The following IMPG1 variants were observed in gnomAD, a reference collection of about 807,000 sequenced individuals.
The protein encoded by IMPG1 is interphotoreceptor matrix proteoglycan 1.
A neutral mutation model predicts 92.0 loss-of-function variants in IMPG1; 85 were observed. The ratio of observed to expected loss-of-function variants is 0.92; its 90% CI spans 0.78 to 1.11. The LOEUF is 1.11. Among genes scored for constraint, IMPG1 ranks in the 50% least tolerant of loss-of-function variants. The pLI is 0.00. For missense variants in IMPG1, 1,022 were observed against 956.0 expected, an observed-to-expected ratio of 1.07 and a Z score of -0.91; for synonymous variants, 367 against 334.1, an observed-to-expected ratio of 1.10 and a Z score of -1.08.
rs557341296 is a variant in IMPG1, at chr6:76,006,529, C to CGT, written c.887+949_887+950dup. On this transcript the variant is annotated intron_variant, in intron 9 of 16. Coordinates refer to ENST00000369950, the MANE Select transcript of IMPG1 (RefSeq NM_001563.4). ...ACCTATATACATATGGGTATATATA[C>CGT]GTGTGTGTGTGTGTATGTGTATATA... Among the ~76,000 whole-genome samples the CGT allele has an allele frequency of 8.1e-3, 1,184 of 146,842 alleles. 17 individuals carry two copies. Among genetic ancestry groups the CGT allele is most frequent in the African/African-American group, 0.026 (1,048 of 40,088 alleles).
At chr6:75,935,704 A>G (rs1228502222) in intron 14 of IMPG1, among the ~76,000 whole-genome samples, 1 of 152,372 alleles carries the variant, frequency 6.6e-6, no homozygotes, top group East Asian at 1.9e-4. Context: ...GGGGCCCGCC[A>G]TGCTTTTAGG....
intron 4 of IMPG1, among the ~76,000 whole-genome samples, chr6:76,030,538 C>T (rs1297372248): frequency 6.6e-6 from 1 of 152,112 alleles, no homozygotes; most frequent in African/African-American, 2.4e-5. Context: ...TGAGATGCAT[C>T]CTCCAAACTG....
chr6:76,054,192 G>A (rs1348789470), intron 1 of IMPG1, among the ~76,000 whole-genome samples: 1 of 152,060 alleles, frequency 6.6e-6, no homozygotes, highest in Non-Finnish European at 1.5e-5. Flanking sequence ...TTATGTAGTT[G>A]TATTTTGAAA....
chr6:76,024,103 A>C (rs1225297929), intron 5 of IMPG1, among the ~76,000 whole-genome samples: 1 of 152,164 alleles, frequency 6.6e-6, no homozygotes, highest in Non-Finnish European at 1.5e-5. Flanking sequence ...TTTTATAATT[A>C]AAATTCAACT....
At chr6:75,959,902 C>T (rs868591360) in intron 12 of IMPG1, among the ~76,000 whole-genome samples, 1 of 152,168 alleles carries the variant, frequency 6.6e-6, no homozygotes, top group African/African-American at 2.4e-5. Flanking sequence ...TTCCAGGCAA[C>T]ACTTTGGTAT....
At chr6:76,069,755 A>T (rs1784376129) in intron 1 of IMPG1, among the ~76,000 whole-genome samples, 1 of 152,202 alleles carries the variant, frequency 6.6e-6, no homozygotes, top group African/African-American at 2.4e-5. Flanking sequence ...CAAAAAAAAA[A>T]AAATGTGGTA....
chr6:76,043,739 G>GT (rs758652951), intron 1 of IMPG1, among the ~76,000 whole-genome samples: 13 of 152,190 alleles, frequency 8.5e-5, no homozygotes, highest in Non-Finnish European at 1.8e-4. Flanking sequence ...GGCTTACACA[G>GT]TAAGAAAGTT....
At chr6:75,980,433 T>C (rs1038311688) in intron 12 of IMPG1, among the ~76,000 whole-genome samples, 4 of 152,190 alleles carry the variant, frequency 2.6e-5, no homozygotes, top group African/African-American at 9.7e-5. Flanking sequence ...TGGGTGTATC[T>C]GTGAGGGTGT....
Position 76,005,447 on chromosome 6 carries a change from A to G in IMPG1, c.975T>C (p.Phe325=). Residue 325 remains phenylalanine (F), a synonymous_variant, in exon 10 of 17, where the codon TTT becomes TTC. Transcript: ENST00000369950. ...AKSPASDLLS[F]DSNKIESEEV... is the part of the protein sequence containing the mutation. ...CCTCACTTTCAATTTTGTTGGAATC[A>G]AAAGACAGGAGGTCACTTGCAGGGC... The G allele has an allele frequency of 6.2e-7, 1 of 1,614,068 alleles. No homozygotes were observed.
At chr6:76,025,429 C>A (rs770640039) in intron 4 of IMPG1, among the ~76,000 whole-genome samples, 171 bp from the exon 5 acceptor site, 1 of 152,074 alleles carries the variant, frequency 6.6e-6, no homozygotes, top group South Asian at 2.1e-4. Context: ...TGAATATATT[C>A]TCATTGAGGA....
At position 76,072,584 on chromosome 6, in the gene IMPG1, G is replaced by T; in HGVS notation, c.-96C>A. The T allele has an allele frequency of 1.5e-6, 1 of 680,054 alleles. No individual in the cohort carries two copies. The highest frequency in any genetic ancestry group is 2.5e-6 in the Non-Finnish European group (1 of 402,542). The allele number at this position is 680,054 out of a possible 1,614,324, so 42.1% of individuals were successfully genotyped here. A position where few individuals can be genotyped will look rare whatever the true frequency, so the allele number is the denominator to read the frequency against. ...GAAATGTGAAAAATAATTATATATT[G>T]ATACCAGATGATTGAGGATAACCTT... On this transcript the variant is annotated 5_prime_UTR_variant, in exon 1 of 17. Transcript: ENST00000369950.
At position 76,041,986 on chromosome 6, in the gene IMPG1, T is replaced by C. The variant is rs1783851251; in HGVS notation, c.208A>G (p.Arg70Gly). 8.1e-6 allele frequency: 13 copies of C among 1,614,056 alleles called. No homozygotes were observed. Among genetic ancestry groups the C allele is most frequent in the Non-Finnish European group, 1.1e-5 (13 of 1,179,898 alleles). Residue 70 changes from arginine to glycine, a missense_variant, in exon 2 of 17, where the codon AGA (arginine) becomes GGA (glycine). Physicochemically the swap from Arg to Gly is moderately radical, Grantham distance 125 (BLOSUM62 -2). Around this residue, in one of 3 missense-constraint regions of IMPG1, gnomAD observed 681 missense variants for 583.6 expected, o/e 1.17. Coordinates refer to ENST00000369950, the MANE Select transcript of IMPG1 (RefSeq NM_001563.4). The stretch of plus-strand genomic sequence containing the variant: ...ACCCCCGTTGGGAAAAATGCGGATC[T>C]TTTTGTTCGATGCTTTGCCAAATCG... ...IFDLAKHRTK[R>G]SAFFPTGVKV...
At chr6:75,983,753 G>A (rs1489661148) in intron 12 of IMPG1, among the ~76,000 whole-genome samples, 6 of 152,014 alleles carry the variant, frequency 3.9e-5, no homozygotes, top group Non-Finnish European at 1.5e-5. Flanking sequence ...AAAACCTTCA[G>A]CACAGCAAAG....
intron 1 of IMPG1, among the ~76,000 whole-genome samples, chr6:76,068,996 G>A (rs1258985729): frequency 6.6e-6 from 1 of 151,844 alleles, no homozygotes; most frequent in African/African-American, 2.4e-5. Context: ...TATACTACAA[G>A]GCTATAATAA....
At chr6:75,979,259 C>T (rs1782588964) in intron 12 of IMPG1, among the ~76,000 whole-genome samples, 2 of 152,070 alleles carry the variant, frequency 1.3e-5, no homozygotes, top group African/African-American at 2.4e-5. Flanking sequence ...ATGAGGTCCT[C>T]AATAAGGCTG....
chr6:76,001,626 A>C (rs1382563257), intron 12 of IMPG1, among the ~76,000 whole-genome samples: 4 of 152,170 alleles, frequency 2.6e-5, no homozygotes, highest in African/African-American at 9.7e-5. Flanking sequence ...GCCCCCAGCC[A>C]ACAGCTTTGG....
chr6:75,980,532 G>A (rs897674148), intron 12 of IMPG1, among the ~76,000 whole-genome samples: 7 of 152,216 alleles, frequency 4.6e-5, no homozygotes, highest in African/African-American at 9.6e-5. Flanking sequence ...AACTGCCAGC[G>A]TGGCTAGGAT....
At chr6:75,956,576 T>C (rs1477869004) in intron 12 of IMPG1, among the ~76,000 whole-genome samples, 1 of 152,214 alleles carries the variant, frequency 6.6e-6, no homozygotes, top group Non-Finnish European at 1.5e-5. Flanking sequence ...GAAGTGCTTT[T>C]CATGTCTCTA....
intron 15 of IMPG1, among the ~76,000 whole-genome samples, chr6:75,924,047 C>T (rs1781478113): frequency 6.6e-6 from 1 of 152,044 alleles, no homozygotes. Context: ...AATAAACTGT[C>T]ACCTTATTCC....
Sources: gnomAD v4.1 joint callset for allele counts (sites outside exome capture counted in the v4.1 genomes callset) on GRCh38, gnomAD v4.1.1 for gene constraint, gnomAD v4.1.1 regional missense constraint, MANE v1.5 for transcripts, NCBI Gene and HGNC (gene_info 2026-07-23, HGNC 2026-07-21) for gene names.